The following ZNF732 variants were observed in gnomAD, a reference collection of about 807,000 sequenced individuals.
The protein encoded by ZNF732 is zinc finger protein LOC654254.
ZNF732 carries 12 observed loss-of-function variants against 11.5 expected under a neutral mutation model. The ratio of observed to expected loss-of-function variants is 1.05; its 90% CI spans 0.67 to 1.70. The LOEUF is 1.70. ZNF732 is among the 40% of genes most tolerant of loss of function. The probability of loss-of-function intolerance (pLI) is 0.00; values close to 1 mark genes in which losing one functional copy is unlikely to be tolerated. For missense variants in ZNF732, 702 were observed against 676.9 expected (o/e 1.04, Z -0.41); for synonymous variants, 231 against 236.5 (o/e 0.98, Z 0.21).
At chr4:276,794 G>A (rs1305960233) in intron 3 of ZNF732, among the ~76,000 whole-genome samples, 1 of 150,672 alleles carries the variant, frequency 6.6e-6, no homozygotes, top group Non-Finnish European at 1.5e-5. Context: ...CACAGAAATG[G>A]AAAAAACAAA....
chr4:295,354 T>C, intron 3 of ZNF732, 84 bp downstream of exon 3: 2 of 1,156,642 alleles, frequency 1.7e-6, no homozygotes, highest in Non-Finnish European at 2.4e-6. Context: ...GAGCAGAGCT[T>C]CCCAAACTAC....
At chr4:274,429 TAAAA>T (rs548532561) in intron 3 of ZNF732, among the ~76,000 whole-genome samples, 88 of 151,160 alleles carry the variant, frequency 5.8e-4, no homozygotes, top group African/African-American at 2.1e-3. Context: ...AATACAAAAA[TAAAA>T]AAGACTAAGG....
At chr4:293,806 C>G (rs1719892851) in intron 3 of ZNF732, among the ~76,000 whole-genome samples, 1 of 152,080 alleles carries the variant, frequency 6.6e-6, no homozygotes, top group Non-Finnish European at 1.5e-5. Flanking sequence ...ATGTGCATAT[C>G]ATTACATTGT....
At chr4:275,442 A>G (rs1188273858) in intron 3 of ZNF732, among the ~76,000 whole-genome samples, 1 of 151,730 alleles carries the variant, frequency 6.6e-6, no homozygotes, top group African/African-American at 2.4e-5. Context: ...TGAAGTACCC[A>G]ACAATCTTCA....
intron 3 of ZNF732, among the ~76,000 whole-genome samples, chr4:288,679 T>TA (rs1553840953): frequency 6.6e-6 from 1 of 152,244 alleles, no homozygotes; most frequent in African/African-American, 2.4e-5. Context: ...GTTGTGCCTC[T>TA]AGCTTTGTTC....
chr4:286,362 G>C (rs1288046801), intron 3 of ZNF732, among the ~76,000 whole-genome samples: 7 of 152,170 alleles, frequency 4.6e-5, no homozygotes, highest in African/African-American at 1.7e-4. Flanking sequence ...CAAATGAAGA[G>C]TAATTTACAC....
At position 288,753 on chromosome 4, in the gene ZNF732, A is replaced by T. The variant is rs568093075; in HGVS notation, c.226+6685T>A. 2.6e-5 allele frequency among the ~76,000 whole-genome samples: 4 copies of T among 152,290 alleles called. No individual in the cohort carries two copies. In the South Asian group the frequency reaches 8.3e-4, roughly 32 times the overall value. On this transcript the variant is annotated intron_variant, in intron 3 of 3. Coordinates refer to ENST00000419098, the MANE Select transcript of ZNF732 (RefSeq NM_001137608.3). The stretch of plus-strand genomic sequence containing the variant: ...CTATGTAAATGTAAGAATTTTTAAA[A>T]ATATTTTTCCAAAAAGTAGGCTGGG...
rs1553837171 is a variant in ZNF732, at chr4:271,142, T to TA, written c.1714dup (p.Tyr572LeufsTer3). The stretch of plus-strand genomic sequence containing the variant: ...ATAAATTTTATTATGTTGATTAAGG[T>TA]ATGAGGACCACTTAAAGGCTTTGCC... On this transcript the variant is annotated frameshift_variant, in exon 4 of 4. Transcript: ENST00000419098. LOFTEE classifies it high-confidence loss of function. The TA allele has an allele frequency of 6.5e-7, 1 of 1,541,538 alleles. No homozygotes were observed. Among genetic ancestry groups the TA allele is most frequent in the Non-Finnish European group, 8.7e-7 (1 of 1,143,762 alleles).
At position 270,896 on chromosome 4, in the gene ZNF732, C is replaced by A. The variant is rs138089234; in HGVS notation, c.*203G>T. Reference sequence around the variant, plus strand: ...ATTTTCTTATGTTGATTCAGGTATGCGGACTGTTTGAAGGCTTTCCCACAT... The same window carrying A: ...ATTTTCTTATGTTGATTCAGGTATGAGGACTGTTTGAAGGCTTTCCCACAT... On this transcript the variant is annotated 3_prime_UTR_variant, in exon 4 of 4. Coordinates refer to ENST00000419098, the MANE Select transcript of ZNF732 (RefSeq NM_001137608.3). 7.4e-6 allele frequency: 5 copies of A among 674,788 alleles called. No homozygotes were observed. Among genetic ancestry groups the A allele is most frequent in the Non-Finnish European group, 8.1e-6 (3 of 369,004 alleles). 41.8% of individuals were successfully genotyped at this position (674,788 alleles called of 1,614,324 possible).
intron 3 of ZNF732, among the ~76,000 whole-genome samples, chr4:280,294 G>GAAA (rs59901961): frequency 0.15 from 20,923 of 142,552 alleles, 1,845 homozygotes; most frequent in South Asian, 0.31. Flanking sequence ...ACAGCAGTAA[G>GAAA]AAAAAAAAAA....
At chr4:294,222 G>A (rs887687384) in intron 3 of ZNF732, among the ~76,000 whole-genome samples, 9 of 152,130 alleles carry the variant, frequency 5.9e-5, no homozygotes, top group African/African-American at 2.2e-4. Context: ...GGCTGGTCTC[G>A]AATTCTTAAC....
chr4:278,198 G>A (rs912507382), intron 3 of ZNF732, among the ~76,000 whole-genome samples: 3 of 152,060 alleles, frequency 2.0e-5, no homozygotes, highest in Non-Finnish European at 4.4e-5. Context: ...TATGCAACTA[G>A]TCTCAACAAT....
intron 3 of ZNF732, among the ~76,000 whole-genome samples, chr4:287,296 C>G (rs1352384351): frequency 6.6e-6 from 1 of 151,504 alleles, no homozygotes; most frequent in Non-Finnish European, 1.5e-5. Context: ...CTCACTGCAG[C>G]CTCCGCCCCT....
intron 1 of ZNF732, among the ~76,000 whole-genome samples, chr4:304,867 C>CA (rs1249383868): frequency 6.6e-6 from 1 of 152,250 alleles, no homozygotes; most frequent in Non-Finnish European, 1.5e-5. Flanking sequence ...GACCCGCTGG[C>CA]AGCCCCCAAA....
intron 3 of ZNF732, among the ~76,000 whole-genome samples, chr4:274,572 A>G (rs1719454678): frequency 6.6e-6 from 1 of 151,622 alleles, no homozygotes; most frequent in South Asian, 2.1e-4. Flanking sequence ...CATGCACCAA[A>G]TAAGGGGATT....
At chr4:304,407 C>G (rs1041756730) in intron 1 of ZNF732, among the ~76,000 whole-genome samples, 4 of 152,154 alleles carry the variant, frequency 2.6e-5, no homozygotes, top group Non-Finnish European at 5.9e-5. Context: ...GCATCTTTCT[C>G]CAGCCCAGGC....
At chr4:295,120 T>C (rs1553842007) in intron 3 of ZNF732, among the ~76,000 whole-genome samples, 1 of 152,080 alleles carries the variant, frequency 6.6e-6, no homozygotes, top group African/African-American at 2.4e-5. Context: ...GACATAGAGC[T>C]CCTCAATATA....
chr4:291,372 T>C (rs1224087040), intron 3 of ZNF732, among the ~76,000 whole-genome samples: 1 of 152,096 alleles, frequency 6.6e-6, no homozygotes, highest in African/African-American at 2.4e-5. Context: ...GGAACCAATA[T>C]ACCTAGCCCA....
chr4:279,136 G>GA (rs111326176), intron 3 of ZNF732, among the ~76,000 whole-genome samples: 9,216 of 147,116 alleles, frequency 0.063, 461 homozygotes, highest in African/African-American at 0.14. Flanking sequence ...CTGAGATAGT[G>GA]AAAAAAAAAA....
Sources: gnomAD v4.1 joint callset for allele counts (sites outside exome capture counted in the v4.1 genomes callset) on GRCh38, gnomAD v4.1.1 for gene constraint, MANE v1.5 for transcripts, NCBI Gene and HGNC (gene_info 2026-07-23, HGNC 2026-07-21) for gene names.